OSBPL1A: variants seen among roughly 807,000 people sequenced by gnomAD.
OSBPL1A encodes the protein oxysterol-binding protein-related protein 1.
OSBPL1A carries 80 observed loss-of-function variants against 137.1 expected under a neutral mutation model. That is an observed-to-expected ratio of 0.58 (90% confidence interval 0.49 to 0.70). OSBPL1A has a LOEUF of 0.70. Among genes scored for constraint, OSBPL1A ranks in the 30% least tolerant of loss-of-function variants. The probability of loss-of-function intolerance (pLI) is 0.00; values close to 1 mark genes in which losing one functional copy is unlikely to be tolerated. For missense variants in OSBPL1A, 970 were observed against 1,129.4 expected, an observed-to-expected ratio of 0.86 and a Z score of 2.02; for synonymous variants, 365 against 389.7, an observed-to-expected ratio of 0.94 and a Z score of 0.75.
intron 17 of OSBPL1A, among the ~76,000 whole-genome samples, chr18:24,198,850 GT>G (rs139052530): frequency 6.9e-6 from 1 of 144,578 alleles, no homozygotes; most frequent in Non-Finnish European, 1.5e-5. Context: ...TTGTTTTGGT[GT>G]TTTTTTTTGT....
chr18:24,373,956 A>G (rs1905879497), intron 2 of OSBPL1A, among the ~76,000 whole-genome samples: 1 of 152,092 alleles, frequency 6.6e-6, no homozygotes, highest in Non-Finnish European at 1.5e-5. Context: ...CATATTTCTC[A>G]GCTTTACATT....
chr18:24,308,378 T>TAA lies in OSBPL1A; in HGVS notation c.1092+3604_1092+3605dup, dbSNP rs528492523. The stretch of plus-strand genomic sequence containing the variant: ...CTTGCTGCAGCCTCAGCCTCAAAAT[T>TAA]AAAAAAAAAAAAAAAATTTGTTTTT... On this transcript the variant is annotated intron_variant, in intron 13 of 27. Transcript: ENST00000319481. Among the ~76,000 whole-genome samples the TAA allele has an allele frequency of 2.0e-3, 288 of 141,484 alleles. 1 individual carries two copies. Among genetic ancestry groups the TAA allele is most frequent in the East Asian group, 9.8e-3 (47 of 4,794 alleles). The allele number at this position is 141,484 out of a possible 152,430, so 92.8% of individuals were successfully genotyped here. A position where few individuals can be genotyped will look rare whatever the true frequency, so the allele number is the denominator to read the frequency against.
At chr18:24,337,424 A>C (rs540605076) in intron 5 of OSBPL1A, among the ~76,000 whole-genome samples, 4 of 60,750 alleles carry the variant, frequency 6.6e-5, no homozygotes, top group African/African-American at 4.1e-4. Context: ...CATAACATAA[A>C]GCCAGGCATG....
chr18:24,358,971 C>T (rs2091580177), intron 4 of OSBPL1A, among the ~76,000 whole-genome samples: 1 of 152,124 alleles, frequency 6.6e-6, no homozygotes, highest in Admixed American at 6.5e-5. Flanking sequence ...AACCCCAGCA[C>T]TTTGGGAGGC....
intron 15 of OSBPL1A, among the ~76,000 whole-genome samples, chr18:24,244,991 C>T (rs2088838550): frequency 6.6e-6 from 1 of 152,224 alleles, no homozygotes; most frequent in African/African-American, 2.4e-5. Flanking sequence ...AGTCTTCCAA[C>T]TGGCCACACT....
intron 17 of OSBPL1A, among the ~76,000 whole-genome samples, chr18:24,198,028 T>G (rs2087090150): frequency 6.6e-6 from 1 of 152,132 alleles, no homozygotes; most frequent in Admixed American, 6.5e-5. Flanking sequence ...CCTCAGGTGA[T>G]CTACCTGCCT....
chr18:24,375,198 C>G (rs1377398650), intron 2 of OSBPL1A, among the ~76,000 whole-genome samples: 1 of 151,358 alleles, frequency 6.6e-6, no homozygotes. Context: ...GCTTGTAGTC[C>G]CAACTACTCT....
intron 4 of OSBPL1A, among the ~76,000 whole-genome samples, chr18:24,350,080 A>G (rs1057133152): frequency 6.6e-6 from 1 of 152,230 alleles, no homozygotes; most frequent in Admixed American, 6.5e-5. Flanking sequence ...GCATATGGCC[A>G]CCAAGAATAA....
intron 27 of OSBPL1A, among the ~76,000 whole-genome samples, chr18:24,164,422 T>TG (rs2086093577): frequency 1.4e-5 from 1 of 70,582 alleles, no homozygotes. Context: ...GATTTTTGGT[T>TG]TTTTTTTTTT....
At chr18:24,317,810 C>A (rs866681037) in intron 9 of OSBPL1A, among the ~76,000 whole-genome samples, 4 of 152,262 alleles carry the variant, frequency 2.6e-5, no homozygotes, top group Middle Eastern at 3.4e-3. Context: ...GGATTGCTTG[C>A]AAATGCAAAA....
At chr18:24,252,377 C>T (rs973982198) in intron 15 of OSBPL1A, among the ~76,000 whole-genome samples, 47 of 152,120 alleles carry the variant, frequency 3.1e-4, no homozygotes, top group African/African-American at 1.1e-3. Context: ...TGGCAGCAGG[C>T]TTTTCAGTGG....
chr18:24,390,782 T>TGCTCTC (rs1280893367), intron 1 of OSBPL1A, among the ~76,000 whole-genome samples: 2 of 151,796 alleles, frequency 1.3e-5, no homozygotes, highest in Non-Finnish European at 2.9e-5. Flanking sequence ...TCCATGCTCT[T>TGCTCTC]GCTCTCCAAA....
At chr18:24,288,274 A>AGAAG (rs557222755) in intron 14 of OSBPL1A, among the ~76,000 whole-genome samples, 2 of 152,328 alleles carry the variant, frequency 1.3e-5, no homozygotes, top group East Asian at 3.9e-4. Context: ...CACAGAGTGT[A>AGAAG]GAAGGAAGGA....
intron 15 of OSBPL1A, among the ~76,000 whole-genome samples, chr18:24,252,518 GAA>G (rs35557349): frequency 0.025 from 3,786 of 149,910 alleles, 167 homozygotes; most frequent in African/African-American, 0.089. Context: ...GCCTTCCCAG[GAA>G]AAAAAAAAAT....
intron 15 of OSBPL1A, among the ~76,000 whole-genome samples, chr18:24,246,969 C>T (rs1235740871): frequency 3.3e-5 from 5 of 152,174 alleles, no homozygotes; most frequent in South Asian, 2.1e-4. Context: ...AAATCAAGGA[C>T]GACTCCATGT....
At chr18:24,289,418 GTTTTTTTTTT>G (rs536281272) in intron 14 of OSBPL1A, among the ~76,000 whole-genome samples, 2 of 94,208 alleles carry the variant, frequency 2.1e-5, no homozygotes, top group Non-Finnish European at 4.0e-5. Flanking sequence ...GTTTTTTCCT[GTTTTTTTTTT>G]TTTTTTTTTT....
chr18:24,390,522 C>T (rs1171471973), intron 1 of OSBPL1A, among the ~76,000 whole-genome samples: 2 of 150,606 alleles, frequency 1.3e-5, no homozygotes, highest in East Asian at 3.9e-4. Flanking sequence ...CACGGAAACC[C>T]CACCTCTATT....
intron 4 of OSBPL1A, among the ~76,000 whole-genome samples, chr18:24,355,326 AC>A (rs147579994): frequency 0.043 from 6,458 of 151,118 alleles, 453 homozygotes; most frequent in African/African-American, 0.15. Flanking sequence ...ACATGGTGAA[AC>A]CCCGTCTCTA....
intron 7 of OSBPL1A, among the ~76,000 whole-genome samples, chr18:24,328,677 T>C (rs2091022944): frequency 6.6e-6 from 1 of 152,090 alleles, no homozygotes; most frequent in Non-Finnish European, 1.5e-5. Context: ...CCAGGACAGT[T>C]CATTATGTGT....
Sources: allele counts gnomAD v4.1 joint callset (sites outside exome capture counted in the v4.1 genomes callset), GRCh38; gene constraint gnomAD v4.1.1; transcripts MANE v1.5; gene names NCBI Gene and HGNC (gene_info 2026-07-23, HGNC 2026-07-21).